Variants in MYO5A observed in about 807,000 individuals in gnomAD.
The protein encoded by MYO5A is unconventional myosin-Va.
In MYO5A, 98 loss-of-function variants were observed where a neutral mutation model predicts 249.7. The observed-to-expected ratio is 0.39, with a 90% confidence interval of 0.33 to 0.46. MYO5A has a LOEUF of 0.46. Among genes scored for constraint, MYO5A ranks in the 20% least tolerant of loss-of-function variants. The probability of loss-of-function intolerance (pLI) is 0.98; values close to 1 mark genes in which losing one functional copy is unlikely to be tolerated. For synonymous variants in MYO5A, 778 were observed against 810.6 expected (o/e 0.96, Z 0.68); for missense variants, 1,696 against 2,308.8 (o/e 0.73, Z 5.44).
At chr15:52,322,725 GT>G (rs2038388969) in intron 37 of MYO5A, among the ~76,000 whole-genome samples, 1 of 149,238 alleles carries the variant, frequency 6.7e-6, no homozygotes, top group Non-Finnish European at 1.5e-5. Context: ...AAACAATAGA[GT>G]TTTTTTGGAC....
chr15:52,331,585 T>G lies in MYO5A; in HGVS notation c.4409-1086A>C, dbSNP rs938275846. 3.2e-5 allele frequency: 24 copies of G among 739,942 alleles called. No homozygotes were observed. In the African/African-American group the frequency reaches 4.6e-4, roughly 14 times the overall value. 45.8% of individuals were successfully genotyped at this position (739,942 alleles called of 1,614,324 possible). On this transcript the variant is annotated intron_variant, in intron 34 of 41. Coordinates refer to ENST00000399233, the MANE Select transcript of MYO5A (RefSeq NM_001382347.1). ...TGCAAAAACATTAGAAAGCTTAATA[T>G]TGCTGACTCCACGAGGTGTCAGTAG...
intron 1 of MYO5A, among the ~76,000 whole-genome samples, chr15:52,492,785 G>C (rs775894802): frequency 6.6e-6 from 1 of 152,242 alleles, no homozygotes; most frequent in Non-Finnish European, 1.5e-5. Flanking sequence ...CAAAATGAGT[G>C]AGGATATAGC....
chr15:52,470,407 G>A (rs550663183), intron 1 of MYO5A, among the ~76,000 whole-genome samples: 6 of 151,864 alleles, frequency 4.0e-5, no homozygotes, highest in South Asian at 2.1e-4. Context: ...AAACCAGCAC[G>A]TTGGGAGGCC....
intron 1 of MYO5A, among the ~76,000 whole-genome samples, chr15:52,503,946 A>G (rs753846087): frequency 2.6e-5 from 4 of 152,078 alleles, no homozygotes; most frequent in Admixed American, 6.5e-5. Flanking sequence ...TCAACTTCAC[A>G]TAAGTGTTCA....
At chr15:52,414,234 G>A (rs1468509644) in intron 5 of MYO5A, among the ~76,000 whole-genome samples, 5 of 152,118 alleles carry the variant, frequency 3.3e-5, no homozygotes, top group Non-Finnish European at 2.9e-5. Flanking sequence ...TCTCTGCCAT[G>A]TTATGCAGCA....
At chr15:52,422,296 C>A (rs1044958381) in intron 4 of MYO5A, among the ~76,000 whole-genome samples, 5 of 152,200 alleles carry the variant, frequency 3.3e-5, no homozygotes, top group African/African-American at 1.2e-4. Flanking sequence ...GGACATAGAT[C>A]TGCTTGGAAA....
At chr15:52,449,505 A>G (rs1439684743) in intron 1 of MYO5A, among the ~76,000 whole-genome samples, 1 of 152,142 alleles carries the variant, frequency 6.6e-6, no homozygotes, top group African/African-American at 2.4e-5. Flanking sequence ...GTATTCTTTA[A>G]GGGCTCACCT....
At chr15:52,446,595 C>T (rs1161555017) in intron 1 of MYO5A, among the ~76,000 whole-genome samples, 1 of 152,204 alleles carries the variant, frequency 6.6e-6, no homozygotes, top group Non-Finnish European at 1.5e-5. Context: ...GGGCCACCAT[C>T]CTCCAGATCC....
At chr15:52,354,158 C>T (rs1380900692) in intron 25 of MYO5A, 144 bp from the exon 26 acceptor site, 1 of 959,902 alleles carries the variant, frequency 1.0e-6, no homozygotes, top group Non-Finnish European at 1.5e-6. Context: ...TTTTAAAATG[C>T]TCAACCTAGC....
chr15:52,472,109 G>C (rs916260656), intron 1 of MYO5A, among the ~76,000 whole-genome samples: 1 of 147,394 alleles, frequency 6.8e-6, no homozygotes, highest in African/African-American at 2.5e-5. Flanking sequence ...ATGGAGTCTC[G>C]CTCTTGTTGC....
Position 52,370,086 on chromosome 15 carries a change from C to T in MYO5A, c.3066+83G>A, listed in dbSNP as rs2041025291. 50 of 1,557,658 alleles carry T rather than the reference C, an allele frequency of 3.2e-5. 1 individual carries two copies. The highest frequency in any genetic ancestry group is 4.3e-5 in the Non-Finnish European group (49 of 1,130,652). On this transcript the variant is annotated intron_variant, in intron 22 of 41. Coordinates refer to ENST00000399233, the MANE Select transcript of MYO5A (RefSeq NM_001382347.1). ...TGTACTGCATTTCTAATAAAACCAA[C>T]AGTGAGTCACACGGACCAAGTCATG...
At chr15:52,487,541 T>C (rs906692230) in intron 1 of MYO5A, among the ~76,000 whole-genome samples, 2 of 152,006 alleles carry the variant, frequency 1.3e-5, no homozygotes, top group South Asian at 2.1e-4. Flanking sequence ...TTGGACCACA[T>C]GGTGAAACCC....
chr15:52,416,487 A>T (rs1302385729), intron 4 of MYO5A, among the ~76,000 whole-genome samples, 186 bp from the exon 5 acceptor site: 4 of 145,262 alleles, frequency 2.8e-5, no homozygotes, highest in African/African-American at 1.0e-4. Context: ...TGCAGGATAT[A>T]TATATATTTT....
chr15:52,438,879 C>T (rs1567127336), intron 1 of MYO5A, among the ~76,000 whole-genome samples: 1 of 152,210 alleles, frequency 6.6e-6, no homozygotes, highest in Non-Finnish European at 1.5e-5. Flanking sequence ...TGCTGTTTGC[C>T]ACTGTTACAG....
intron 1 of MYO5A, among the ~76,000 whole-genome samples, chr15:52,460,983 T>C (rs1199602253): frequency 6.6e-6 from 1 of 152,220 alleles, no homozygotes; most frequent in African/African-American, 2.4e-5. Flanking sequence ...AGACAGAGTC[T>C]TGCTGTTGCC....
intron 25 of MYO5A, among the ~76,000 whole-genome samples, chr15:52,359,758 AC>A (rs943206094): frequency 1.3e-5 from 2 of 152,280 alleles, no homozygotes; most frequent in African/African-American, 4.8e-5. Context: ...ATTTGTATTG[AC>A]AAAAAAATGC....
At chr15:52,368,999 G>A (rs28515624) in intron 22 of MYO5A, among the ~76,000 whole-genome samples, 2,663 of 152,282 alleles carry the variant, frequency 0.017, 46 homozygotes, top group South Asian at 0.058. Context: ...GTATCTTTTT[G>A]AGTGCACGTC....
At chr15:52,477,354 G>A (rs1190029250) in intron 1 of MYO5A, among the ~76,000 whole-genome samples, 1 of 152,112 alleles carries the variant, frequency 6.6e-6, no homozygotes, top group Non-Finnish European at 1.5e-5. Context: ...CCTTTAGCTT[G>A]GAGAAGTTTG....
intron 8 of MYO5A, 81 bp downstream of exon 8, chr15:52,407,211 A>T (rs2043044389): frequency 1.0e-6 from 1 of 997,768 alleles, no homozygotes; most frequent in African/African-American, 1.6e-5. Context: ...CTTAATAAAA[A>T]GTCAAGCCAA....
Sources: allele counts gnomAD v4.1 joint callset (sites outside exome capture counted in the v4.1 genomes callset), GRCh38; gene constraint gnomAD v4.1.1; transcripts MANE v1.5; gene names NCBI Gene and HGNC (gene_info 2026-07-23, HGNC 2026-07-21).